Variants in CLTCL1 observed in about 807,000 individuals in gnomAD.
CLTCL1 encodes the protein clathrin heavy chain like 1.
CLTCL1 carries 159 observed loss-of-function variants against 190.0 expected under a neutral mutation model. The ratio of observed to expected loss-of-function variants is 0.84; its 90% CI spans 0.74 to 0.95. The LOEUF (loss-of-function observed/expected upper bound fraction) is 0.95, where lower values mean the gene tolerates loss of function less well. CLTCL1 is among the 40% of genes least tolerant of loss of function. The pLI, the probability that CLTCL1 is intolerant of heterozygous loss-of-function variation, is 0.00. For synonymous variants in CLTCL1, 752 were observed against 769.6 expected (o/e 0.98, Z 0.38); for missense variants, 1,878 against 2,033.4 (o/e 0.92, Z 1.47).
intron 26 of CLTCL1, among the ~76,000 whole-genome samples, chr22:19,195,073 C>T (rs2238760): frequency 0.1 from 15,430 of 152,234 alleles, 1,221 homozygotes; most frequent in African/African-American, 0.21. Flanking sequence ...AAAGCATGGC[C>T]ACTTCCACCA....
chr22:19,282,654 GA>G (rs1343745049), intron 1 of CLTCL1, among the ~76,000 whole-genome samples: 1 of 150,772 alleles, frequency 6.6e-6, no homozygotes, highest in Non-Finnish European at 1.5e-5. Context: ...AAAAGAAAAA[GA>G]AAAAAAGAAA....
At chr22:19,221,887 A>G in intron 16 of CLTCL1, 64 bp downstream of exon 16, 2 of 1,565,366 alleles carry the variant, frequency 1.3e-6, no homozygotes, top group Non-Finnish European at 1.7e-6. Context: ...GGAGAATTAG[A>G]CAGAAACAAC....
chr22:19,291,674 A>G lies in CLTCL1; in HGVS notation c.-33T>C, dbSNP rs1157392271. 5.2e-6 allele frequency: 7 copies of G among 1,346,152 alleles called. No homozygotes were observed. The highest frequency in any genetic ancestry group is 3.2e-5 in the African/African-American group (2 of 63,128). 83.4% of individuals were successfully genotyped at this position (1,346,152 alleles called of 1,614,324 possible). The stretch of plus-strand genomic sequence containing the variant: ...GCGGGACCTCGGCGGCGGCGGCGGC[A>G]GCGGCAGGAATGAACGCCGACCCCT... On this transcript the variant is annotated 5_prime_UTR_variant, in exon 1 of 33. Coordinates refer to ENST00000427926, the MANE Select transcript of CLTCL1 (RefSeq NM_007098.4).
At chr22:19,245,817 C>T (rs868994217) in intron 3 of CLTCL1, among the ~76,000 whole-genome samples, 1 of 152,254 alleles carries the variant, frequency 6.6e-6, no homozygotes, top group South Asian at 2.1e-4. Flanking sequence ...TGAGGTTTAC[C>T]TATGTGTAGC....
At chr22:19,188,691 A>C (rs2084394916) in intron 27 of CLTCL1, among the ~76,000 whole-genome samples, 1 of 148,610 alleles carries the variant, frequency 6.7e-6, no homozygotes, top group Admixed American at 6.8e-5. Context: ...GGCTCACTGC[A>C]TCCTCTGCCT....
intron 1 of CLTCL1, among the ~76,000 whole-genome samples, chr22:19,288,574 T>C (rs1224150646): frequency 6.6e-6 from 1 of 152,214 alleles, no homozygotes; most frequent in Admixed American, 6.5e-5. Context: ...GCTACAAACA[T>C]TGCCCTAAAT....
rs1038646667 is a variant in CLTCL1 at position 19,210,606 on chromosome 22, A to T, written c.3066-97T>A. The stretch of plus-strand genomic sequence containing the variant: ...GCATCCCCAGACCCCCAGTTTTTTT[A>T]AAAAAGTAATTAATATACACACACA... On this transcript the variant is annotated intron_variant, in intron 19 of 32. Coordinates refer to ENST00000427926, the MANE Select transcript of CLTCL1 (RefSeq NM_007098.4). 2.6e-4 allele frequency: 249 copies of T among 942,538 alleles called. 1 individual carries two copies. Among genetic ancestry groups the T allele is most frequent in the Admixed American group, 8.2e-4 (30 of 36,686 alleles). 58.4% of individuals were successfully genotyped at this position (942,538 alleles called of 1,614,324 possible). A position where few individuals can be genotyped will look rare whatever the true frequency, so the allele number is the denominator to read the frequency against.
At position 19,214,320 on chromosome 22, in the gene CLTCL1, A is replaced by G. The variant is rs141019688; in HGVS notation, c.3065+1791T>C. Among the ~76,000 whole-genome samples, 444 of 152,284 alleles carry G rather than the reference A, an allele frequency of 2.9e-3. 2 individuals carry two copies. Among genetic ancestry groups the G allele is most frequent in the African/African-American group, 9.5e-3 (393 of 41,556 alleles). On this transcript the variant is annotated intron_variant, in intron 19 of 32. Transcript: ENST00000427926. The stretch of plus-strand genomic sequence containing the variant: ...GGAGTAACAAAGCATCGGATGATGC[A>G]CTGTGGCCTCACTCTGTGCCTCCTT...
At chr22:19,181,045 G>A (rs908296609) in intron 30 of CLTCL1, 39 of 559,130 alleles carry the variant, frequency 7.0e-5, no homozygotes, top group African/African-American at 5.4e-4. Flanking sequence ...GGGGCCCCCA[G>A]AGCTTCCCAG....
At position 19,217,296 on chromosome 22, in the gene CLTCL1, A is replaced by G. The variant is rs807470; in HGVS notation, c.2920-1040T>C. Among the ~76,000 whole-genome samples the G allele has an allele frequency of 9.4e-3, 1,425 of 152,224 alleles. 35 individuals carry two copies. The highest frequency in any genetic ancestry group is 0.068 in the East Asian group (353 of 5,176). On this transcript the variant is annotated intron_variant, in intron 18 of 32. Transcript: ENST00000427926. ...CATCCAAAGGAGAAGGTACACTTCC[A>G]ACAGTGACATCTAACTGTCAATTCT...
At chr22:19,268,962 T>C (rs1193664125) in intron 2 of CLTCL1, among the ~76,000 whole-genome samples, 1 of 151,634 alleles carries the variant, frequency 6.6e-6, no homozygotes, top group African/African-American at 2.4e-5. Context: ...TGGCGGCACA[T>C]ACCTGTAGTC....
chr22:19,187,148 T>G (rs1376067880), intron 29 of CLTCL1, among the ~76,000 whole-genome samples: 1 of 151,900 alleles, frequency 6.6e-6, no homozygotes, highest in Non-Finnish European at 1.5e-5. Flanking sequence ...GGTCTCAAAC[T>G]CCTGGGCTCA....
chr22:19,241,055 G>A (rs554278332), intron 4 of CLTCL1, among the ~76,000 whole-genome samples: 16 of 152,302 alleles, frequency 1.1e-4, no homozygotes, highest in Admixed American at 2.6e-4. Context: ...CGGGAGGACC[G>A]AGTCTGCCAC....
chr22:19,196,374 C>T lies in CLTCL1; in HGVS notation c.4083G>A (p.Leu1361=). The T allele has an allele frequency of 1.2e-6, 2 of 1,614,048 alleles. No individual in the cohort carries two copies. The highest frequency in any genetic ancestry group is 8.5e-7 in the Non-Finnish European group (1 of 1,179,904). ...AAEQAHLWAE[L]VFLYDKYEEY... ...CCTCGTACTTGTCATAGAGGAACAC[C>T]AGCTCAGCCCACAGGTGTGCCTGCT... is the stretch of plus-strand genomic sequence containing the variant. The change falls in exon 26 of 33, where the codon CTG becomes CTA. Residue 1361 remains leucine (L), a synonymous_variant. Transcript: ENST00000427926.
rs190379444 is a variant in CLTCL1, at chr22:19,205,748, C to T, written c.3600+2406G>A. Among the ~76,000 whole-genome samples, 10 of 152,150 alleles carry T rather than the reference C, an allele frequency of 6.6e-5. No individual in the cohort carries two copies. The East Asian group carries it at 7.7e-4, about 12-fold the overall frequency. On this transcript the variant is annotated intron_variant, in intron 22 of 32. Transcript: ENST00000427926. ...TGATATTTTCCTTTATGCTTTCTTC[C>T]ACTGCTTACATGTTTAAAAATTCCT... is the stretch of plus-strand genomic sequence containing the variant.
chr22:19,245,881 C>T (rs951840980), intron 3 of CLTCL1, among the ~76,000 whole-genome samples: 4 of 152,182 alleles, frequency 2.6e-5, no homozygotes, highest in Non-Finnish European at 5.9e-5. Context: ...TATGGATACA[C>T]CACAACTTGT....
rs1555945901 is a variant in CLTCL1 at position 19,210,425 on chromosome 22, A to G, written c.3150T>C (p.Tyr1050=). The change falls in exon 20 of 33, where the codon TAT becomes TAC. Residue 1050 remains tyrosine (Y), a synonymous_variant. Transcript: ENST00000427926. ...VMEYISRLDN[Y]DALDIASIAV... is the part of the protein sequence containing the mutation. ...CGATGCTCGCGATGTCCAGTGCGTC[A>G]TAGTTGTCCAGGCGGCTGATGTACT... 3 of 1,613,918 alleles carry G rather than the reference A, an allele frequency of 1.9e-6. No homozygotes were observed. The highest frequency in any genetic ancestry group is 2.2e-5 in the East Asian group (1 of 44,888).
At position 19,217,652 on chromosome 22, in the gene CLTCL1, A is replaced by C. The variant is rs1390695545; in HGVS notation, c.2920-1396T>G. 1.1e-4 allele frequency among the ~76,000 whole-genome samples: 16 copies of C among 140,476 alleles called. No individual in the cohort carries two copies. In the East Asian group the frequency reaches 3.2e-3, roughly 28 times the overall value. The allele number at this position is 140,476 out of a possible 152,430, so 92.2% of individuals were successfully genotyped here. A position where few individuals can be genotyped will look rare whatever the true frequency, so the allele number is the denominator to read the frequency against. On this transcript the variant is annotated intron_variant, in intron 18 of 32. Coordinates refer to ENST00000427926, the MANE Select transcript of CLTCL1 (RefSeq NM_007098.4). ...AAAAAAAAAAAAAGAGTTCGAGACC[A>C]GCCTGGCTAACATAGTGAAACCCCA...
chr22:19,218,341 TA>T (rs1555950673), intron 18 of CLTCL1, among the ~76,000 whole-genome samples: 1 of 152,224 alleles, frequency 6.6e-6, no homozygotes, highest in African/African-American at 2.4e-5. Context: ...TTGTGTTGTT[TA>T]ATATTTTTAT....
Sources: gnomAD v4.1 joint callset for allele counts (sites outside exome capture counted in the v4.1 genomes callset) on GRCh38, gnomAD v4.1.1 for gene constraint, MANE v1.5 for transcripts, NCBI Gene and HGNC (gene_info 2026-07-23, HGNC 2026-07-21) for gene names.